Variants in HIVEP3 observed in about 807,000 individuals in gnomAD.
HIVEP3 encodes the protein HIVEP zinc finger 3.
In HIVEP3, 49 loss-of-function variants were observed where a neutral mutation model predicts 152.8. The observed-to-expected ratio is 0.32, with a 90% CI of 0.26 to 0.41. HIVEP3 has a LOEUF of 0.41. Among genes scored for constraint, HIVEP3 ranks in the 10% least tolerant of loss-of-function variants. HIVEP3 has a pLI of 1.00. For missense variants in HIVEP3, 2,790 were observed against 3,103.3 expected (o/e 0.90, Z 2.40); for synonymous variants, 1,269 against 1,289.0 (o/e 0.98, Z 0.33).
chr1:41,780,438 A>C (rs1447870718), intron 1 of HIVEP3, among the ~76,000 whole-genome samples: 1 of 152,236 alleles, frequency 6.6e-6, no homozygotes, highest in Non-Finnish European at 1.5e-5. Flanking sequence ...GTGCTGAGCC[A>C]GAGCAGGGCA....
Position 41,524,898 on chromosome 1 carries a change from G to T in HIVEP3, c.5220C>A (p.Asn1740Lys), listed in dbSNP as rs200525352. 4.3e-6 allele frequency: 7 copies of T among 1,613,538 alleles called. No homozygotes were observed. Among genetic ancestry groups the T allele is most frequent in the Middle Eastern group, 1.7e-4 (1 of 6,028 alleles). ...GGCCTCGCACATATACATACTCTTC[G>T]TTTGATTTGTACCTATGAGCAACAG... ...IKIFEGGYKS[N>K]EEYVYVRGRG... Residue 1740 changes from asparagine (N) to lysine (K), a missense_variant, in exon 6 of 9, where the codon AAC becomes AAA. Asn to Lys is a moderately conservative substitution (Grantham distance 94). This residue lies in a region of HIVEP3 where 1,078 missense variants were observed against 1,165.3 expected (regional missense o/e 0.93). Transcript: ENST00000372583.
intron 1 of HIVEP3, among the ~76,000 whole-genome samples, chr1:41,980,422 G>A (rs914327829): frequency 1.3e-5 from 2 of 152,110 alleles, no homozygotes; most frequent in Non-Finnish European, 2.9e-5. Flanking sequence ...AATGTCAAAG[G>A]CATTCTACTA....
intron 1 of HIVEP3, among the ~76,000 whole-genome samples, chr1:41,960,334 G>C (rs1279839958): frequency 1.3e-5 from 2 of 152,162 alleles, no homozygotes; most frequent in Non-Finnish European, 2.9e-5. Context: ...TCAGAAGATA[G>C]AGTAAGCTTA....
chr1:41,840,182 C>T (rs941069457), intron 1 of HIVEP3, among the ~76,000 whole-genome samples: 3 of 152,122 alleles, frequency 2.0e-5, no homozygotes, highest in African/African-American at 7.2e-5. Flanking sequence ...TGAATAGTGT[C>T]CCCCCAACGT....
intron 1 of HIVEP3, among the ~76,000 whole-genome samples, chr1:41,811,877 T>C (rs888641927): frequency 2.0e-5 from 3 of 151,886 alleles, no homozygotes; most frequent in Non-Finnish European, 4.4e-5. Flanking sequence ...TAAAGAACCA[T>C]ATAATTAATT....
At chr1:41,948,173 A>T (rs1645085291) in intron 1 of HIVEP3, among the ~76,000 whole-genome samples, 1 of 152,260 alleles carries the variant, frequency 6.6e-6, no homozygotes, top group Non-Finnish European at 1.5e-5. Context: ...AAGGACTTCG[A>T]AAAGCAGGGT....
chr1:41,762,042 C>T (rs1161596349), intron 1 of HIVEP3, among the ~76,000 whole-genome samples: 1 of 152,182 alleles, frequency 6.6e-6, no homozygotes, highest in Non-Finnish European at 1.5e-5. Context: ...ACCTACCCTT[C>T]CCTAATTGGT....
chr1:42,021,562 GTGAAT>G (rs1645554427), intron 1 of HIVEP3, among the ~76,000 whole-genome samples: 4 of 152,144 alleles, frequency 2.6e-5, no homozygotes, highest in Admixed American at 2.6e-4. Flanking sequence ...TGGTGGACAA[GTGAAT>G]ATATGGGTCT....
At chr1:41,829,952 A>C (rs1020860918) in intron 1 of HIVEP3, among the ~76,000 whole-genome samples, 12 of 152,226 alleles carry the variant, frequency 7.9e-5, no homozygotes, top group Non-Finnish European at 1.5e-4. Flanking sequence ...CAATCTTTCC[A>C]ATTTCCCTCC....
chr1:41,777,316 C>T (rs374325141), intron 1 of HIVEP3, among the ~76,000 whole-genome samples: 2 of 152,352 alleles, frequency 1.3e-5, no homozygotes, highest in East Asian at 3.9e-4. Flanking sequence ...CCACCAGCCT[C>T]CACCCAGCTG....
At chr1:41,723,454 A>G (rs1262839958) in intron 1 of HIVEP3, among the ~76,000 whole-genome samples, 9 of 151,722 alleles carry the variant, frequency 5.9e-5, no homozygotes, top group Non-Finnish European at 1.3e-4. Flanking sequence ...TCACTAGCAG[A>G]AAATGCACCC....
intron 1 of HIVEP3, among the ~76,000 whole-genome samples, chr1:42,016,658 T>C (rs1390276224): frequency 6.6e-6 from 1 of 152,146 alleles, no homozygotes; most frequent in Non-Finnish European, 1.5e-5. Flanking sequence ...TTAAATGAGA[T>C]CACACTACAG....
At chr1:41,565,555 CAGAG>C (rs67612053) in intron 5 of HIVEP3, among the ~76,000 whole-genome samples, 41,664 of 148,980 alleles carry the variant, frequency 0.28, 5,820 homozygotes, top group East Asian at 0.46. Flanking sequence ...CACACACACA[CAGAG>C]AGAGAGAGAG....
chr1:41,650,048 C>A (rs1645523116), intron 2 of HIVEP3, among the ~76,000 whole-genome samples: 1 of 151,902 alleles, frequency 6.6e-6, no homozygotes, highest in African/African-American at 2.4e-5. Context: ...CAGAAATGAC[C>A]CAAATCCTTA....
intron 1 of HIVEP3, among the ~76,000 whole-genome samples, chr1:41,938,596 A>G (rs1208744868): frequency 1.3e-5 from 2 of 152,208 alleles, no homozygotes; most frequent in African/African-American, 4.8e-5. Flanking sequence ...GCAAGTCCAG[A>G]ATGGAAGGAT....
At chr1:41,841,415 A>AG (rs55862081) in intron 1 of HIVEP3, among the ~76,000 whole-genome samples, 71,832 of 152,076 alleles carry the variant, frequency 0.47, 19,522 homozygotes, top group African/African-American at 0.76. Context: ...CATTACAAAC[A>AG]GTGCAAAGCC....
intron 5 of HIVEP3, among the ~76,000 whole-genome samples, chr1:41,527,694 CCT>C (rs1643040484): frequency 7.2e-6 from 1 of 138,230 alleles, no homozygotes; most frequent in Non-Finnish European, 1.6e-5. Context: ...TCATGCTCAC[CCT>C]CACACACCCC....
chr1:41,875,168 C>T (rs1243525139), intron 1 of HIVEP3, among the ~76,000 whole-genome samples: 1 of 152,236 alleles, frequency 6.6e-6, no homozygotes, highest in Non-Finnish European at 1.5e-5. Flanking sequence ...CGCCTTCCTT[C>T]AGGGCTCCAG....
intron 1 of HIVEP3, among the ~76,000 whole-genome samples, chr1:41,799,790 AC>A (rs376861046): frequency 1.3e-5 from 2 of 151,396 alleles, no homozygotes; most frequent in Non-Finnish European, 2.9e-5. Flanking sequence ...TAAAAATGGC[AC>A]CCCCCCTTCC....
Sources: gnomAD v4.1 joint callset for allele counts (sites outside exome capture counted in the v4.1 genomes callset) on GRCh38, gnomAD v4.1.1 for gene constraint, gnomAD v4.1.1 regional missense constraint, MANE v1.5 for transcripts, NCBI Gene and HGNC (gene_info 2026-07-23, HGNC 2026-07-21) for gene names.